KCND2: variants seen among roughly 807,000 people sequenced by gnomAD.
The protein encoded by KCND2 is potassium voltage-gated channel subfamily D member 2, also known as A-type voltage-gated potassium channel KCND2.
A neutral mutation model predicts 54.4 loss-of-function variants in KCND2; 16 were observed. The ratio of observed to expected loss-of-function variants is 0.29; its 90% CI spans 0.20 to 0.45. The LOEUF is 0.45. KCND2 is among the 20% of genes least tolerant of loss of function. The pLI, the probability that KCND2 is intolerant of heterozygous loss-of-function variation, is 1.00. For missense variants in KCND2, 486 were observed against 824.2 expected, an observed-to-expected ratio of 0.59 and a Z score of 5.02; for synonymous variants, 317 against 310.7, an observed-to-expected ratio of 1.02 and a Z score of -0.21.
intron 1 of KCND2, among the ~76,000 whole-genome samples, chr7:120,690,165 G>C (rs922643625): frequency 2.0e-5 from 3 of 152,056 alleles, no homozygotes; most frequent in Non-Finnish European, 2.9e-5. Context: ...TAAATGACAA[G>C]CATTCAATAA....
chr7:120,639,909 T>G (rs958389043), intron 1 of KCND2, among the ~76,000 whole-genome samples: 1 of 152,114 alleles, frequency 6.6e-6, no homozygotes, highest in Non-Finnish European at 1.5e-5. Context: ...TTCTATTTTT[T>G]TTTTACCTAA....
chr7:120,289,253 C>T (rs9655835), intron 1 of KCND2, among the ~76,000 whole-genome samples: 11,266 of 151,938 alleles, frequency 0.074, 888 homozygotes, highest in African/African-American at 0.2. Flanking sequence ...TCATGCTGTC[C>T]GCTGACTGTC....
intron 1 of KCND2, among the ~76,000 whole-genome samples, chr7:120,671,859 A>G (rs1349140510): frequency 6.6e-6 from 1 of 152,188 alleles, no homozygotes; most frequent in Admixed American, 6.5e-5. Context: ...GAAAGTGGGC[A>G]GAAGAAATAA....
chr7:120,350,098 G>A (rs1319064440), intron 1 of KCND2, among the ~76,000 whole-genome samples: 1 of 151,978 alleles, frequency 6.6e-6, no homozygotes, highest in Non-Finnish European at 1.5e-5. Context: ...CACTTTGTGA[G>A]GTAAATGTAT....
intron 1 of KCND2, among the ~76,000 whole-genome samples, chr7:120,580,930 A>T (rs1417172108): frequency 6.6e-6 from 1 of 152,216 alleles, no homozygotes; most frequent in Non-Finnish European, 1.5e-5. Flanking sequence ...GGATTCTTAA[A>T]TTCAGTAGAA....
At chr7:120,335,069 T>C (rs75079226) in intron 1 of KCND2, among the ~76,000 whole-genome samples, 112 of 152,136 alleles carry the variant, frequency 7.4e-4, no homozygotes, top group African/African-American at 2.7e-3. Flanking sequence ...AAATTGAGTT[T>C]AAAAAGTAAT....
chr7:120,425,005 T>G (rs1161077486), intron 1 of KCND2, among the ~76,000 whole-genome samples: 1 of 152,220 alleles, frequency 6.6e-6, no homozygotes, highest in Non-Finnish European at 1.5e-5. Context: ...CTAAAAAGGG[T>G]AACAAATTGA....
rs189546555 is a variant in KCND2 at position 120,629,469 on chromosome 7, G to A, written c.1116-103434G>A. Among the ~76,000 whole-genome samples the A allele has an allele frequency of 4.5e-4, 68 of 152,288 alleles. 1 individual carries two copies. In the East Asian group the frequency reaches 6.2e-3, roughly 14 times the overall value. ...CCACTGCACTCCATCCTGGGCGACA[G>A]AGCGAGACTCCGTCTCGGGGGTGGG... On this transcript the variant is annotated intron_variant, in intron 1 of 5. Transcript: ENST00000331113.
intron 1 of KCND2, among the ~76,000 whole-genome samples, chr7:120,329,986 G>A (rs1031608467): frequency 6.6e-6 from 1 of 151,910 alleles, no homozygotes; most frequent in African/African-American, 2.4e-5. Context: ...CTTTTAATAG[G>A]ATGTTCACCA....
intron 1 of KCND2, among the ~76,000 whole-genome samples, chr7:120,522,087 C>T (rs1442893308): frequency 3.9e-5 from 6 of 152,162 alleles, no homozygotes; most frequent in Non-Finnish European, 8.8e-5. Context: ...TCCAATCTGA[C>T]TTTTTGTGGC....
chr7:120,579,621 TAA>T (rs1792487988), intron 1 of KCND2, among the ~76,000 whole-genome samples: 1 of 143,252 alleles, frequency 7.0e-6, no homozygotes, highest in Non-Finnish European at 1.5e-5. Flanking sequence ...AATAAATAAA[TAA>T]ATAAATAAAT....
At chr7:120,747,328 T>C (rs1376337070) in intron 5 of KCND2, among the ~76,000 whole-genome samples, 1 of 152,140 alleles carries the variant, frequency 6.6e-6, no homozygotes, top group African/African-American at 2.4e-5. Flanking sequence ...GGCTCTTTCA[T>C]AGTGGTTTCT....
At chr7:120,624,651 C>T (rs1793142584) in intron 1 of KCND2, among the ~76,000 whole-genome samples, 3 of 151,896 alleles carry the variant, frequency 2.0e-5, no homozygotes, top group Admixed American at 1.3e-4. Flanking sequence ...CATGGTGGCC[C>T]ACGCCTGTGG....
chr7:120,589,566 G>C (rs1031257864), intron 1 of KCND2, among the ~76,000 whole-genome samples: 3 of 152,156 alleles, frequency 2.0e-5, no homozygotes, highest in Admixed American at 6.5e-5. Context: ...GGACAAGGCA[G>C]CTGGCAGTAA....
chr7:120,507,633 C>T (rs1179707269), intron 1 of KCND2, among the ~76,000 whole-genome samples: 1 of 151,782 alleles, frequency 6.6e-6, no homozygotes, highest in Non-Finnish European at 1.5e-5. Flanking sequence ...ATGAGGTGAC[C>T]TTAAGAAGAC....
chr7:120,554,508 A>T (rs1455445221), intron 1 of KCND2, among the ~76,000 whole-genome samples: 2 of 151,854 alleles, frequency 1.3e-5, no homozygotes, highest in Admixed American at 6.6e-5. Context: ...TCCCGGGTTC[A>T]TGCCATTCTC....
At chr7:120,611,439 A>AG (rs781553841) in intron 1 of KCND2, among the ~76,000 whole-genome samples, 8 of 152,162 alleles carry the variant, frequency 5.3e-5, no homozygotes, top group Non-Finnish European at 7.3e-5. Flanking sequence ...CTACATTTGC[A>AG]GGGGGTGTAG....
chr7:120,705,884 C>A (rs1005419160), intron 1 of KCND2, among the ~76,000 whole-genome samples: 9 of 152,018 alleles, frequency 5.9e-5, no homozygotes, highest in African/African-American at 2.2e-4. Flanking sequence ...CCTTTGATTC[C>A]TTCTCTCTCT....
At chr7:120,564,933 A>G (rs1029003782) in intron 1 of KCND2, among the ~76,000 whole-genome samples, 3 of 152,196 alleles carry the variant, frequency 2.0e-5, no homozygotes, top group African/African-American at 7.2e-5. Context: ...TTCTTATTTT[A>G]GTTAATATAC....
Sources: allele counts gnomAD v4.1 joint callset (sites outside exome capture counted in the v4.1 genomes callset), GRCh38; gene constraint gnomAD v4.1.1; transcripts MANE v1.5; gene names NCBI Gene and HGNC (gene_info 2026-07-23, HGNC 2026-07-21).